Variants in ANKRD44 observed in about 807,000 individuals in gnomAD.
ANKRD44 encodes ankyrin repeat domain 44, also known as serine/threonine-protein phosphatase 6 regulatory ankyrin repeat subunit B.
A neutral mutation model predicts 116.0 loss-of-function variants in ANKRD44; 35 were observed. That is an observed-to-expected ratio of 0.30 (90% CI 0.23 to 0.40). The LOEUF (loss-of-function observed/expected upper bound fraction) is 0.40, where lower values mean the gene tolerates loss of function less well. Among genes scored for constraint, ANKRD44 ranks in the 10% least tolerant of loss-of-function variants. The pLI is 1.00. For missense variants in ANKRD44, 1,014 were observed against 1,242.6 expected (o/e 0.82, Z 2.77); for synonymous variants, 435 against 461.8 (o/e 0.94, Z 0.74).
chr2:197,119,519 A>G (rs896472575), intron 8 of ANKRD44, among the ~76,000 whole-genome samples: 1 of 152,198 alleles, frequency 6.6e-6, no homozygotes, highest in African/African-American at 2.4e-5. Flanking sequence ...AGGAGCTGGG[A>G]TTACAGGCCG....
At chr2:197,020,954 C>T (rs983877785) in intron 17 of ANKRD44, among the ~76,000 whole-genome samples, 11 of 152,090 alleles carry the variant, frequency 7.2e-5, no homozygotes, top group African/African-American at 2.7e-4. Context: ...CTCCCTCCCC[C>T]CATCCCACGA....
At chr2:197,099,741 T>C (rs2078245072) in intron 10 of ANKRD44, 75 bp downstream of exon 10, 6 of 1,581,842 alleles carry the variant, frequency 3.8e-6, no homozygotes, top group Non-Finnish European at 5.2e-6. Context: ...GGGAACTATC[T>C]ACTGCACGGA....
Position 197,310,564 on chromosome 2 carries a change from C to A in ANKRD44, c.27+14G>T. ...CGCCCGCGCGTCCCGCCCGCCGGCG[C>A]CGCCGCCCGCTACCTGGTCGGTGAG... On this transcript the variant is annotated intron_variant, in intron 1 of 27. Transcript: ENST00000282272. The A allele has an allele frequency of 8.4e-7, 1 of 1,188,598 alleles. No individual in the cohort carries two copies. The highest frequency in any genetic ancestry group is 1.1e-6 in the Non-Finnish European group (1 of 939,758). The allele number at this position is 1,188,598 out of a possible 1,614,324, so 73.6% of individuals were successfully genotyped here. A position where few individuals can be genotyped will look rare whatever the true frequency, so the allele number is the denominator to read the frequency against.
chr2:197,249,272 CA>C (rs1046766051), intron 1 of ANKRD44, among the ~76,000 whole-genome samples: 4 of 151,838 alleles, frequency 2.6e-5, no homozygotes, highest in African/African-American at 9.7e-5. Context: ...GACCTTGTCT[CA>C]AAAAATGTAC....
chr2:197,033,923 T>C (rs1156808143), intron 16 of ANKRD44, among the ~76,000 whole-genome samples: 1 of 152,152 alleles, frequency 6.6e-6, no homozygotes. Context: ...GCATTTACAA[T>C]TTGAATTAAC....
At chr2:197,170,407 T>G (rs1427092895) in intron 2 of ANKRD44, among the ~76,000 whole-genome samples, 1 of 152,214 alleles carries the variant, frequency 6.6e-6, no homozygotes, top group African/African-American at 2.4e-5. Flanking sequence ...CTTTCCCTCC[T>G]AAACACTTGT....
chr2:196,998,453 T>C (rs764690524), intron 24 of ANKRD44, 34 bp from the exon 25 acceptor site: 2 of 1,494,636 alleles, frequency 1.3e-6, no homozygotes, highest in Non-Finnish European at 1.9e-6. Context: ...GTTACTTAGA[T>C]GAGATGCTAA....
chr2:197,040,597 G>A (rs905886307), intron 16 of ANKRD44, among the ~76,000 whole-genome samples: 5 of 151,898 alleles, frequency 3.3e-5, no homozygotes, highest in Admixed American at 1.3e-4. Flanking sequence ...AGCTGGTCTC[G>A]AACTCCTGAC....
Position 197,099,891 on chromosome 2 carries a change from G to A in ANKRD44, c.1025C>T (p.Pro342Leu). ...ACCGTATCTTGCAGCCACATGGAGAGGAGTGTTGCCGTCCTTATCCACACA... is the reference window on the plus strand; with the variant it reads ...ACCGTATCTTGCAGCCACATGGAGAAGAGTGTTGCCGTCCTTATCCACACA... The part of the protein sequence containing the change: ...IDCVDKDGNT[P>L]LHVAARYGHE... The change falls in exon 10 of 28, where the codon CCT becomes CTT. Residue 342 changes from proline to leucine, a missense_variant. Pro to Leu is a moderately conservative substitution (Grantham distance 98). Transcript: ENST00000282272. 6.2e-7 allele frequency: 1 copy of A among 1,614,138 alleles called. No individual in the cohort carries two copies. The highest frequency in any genetic ancestry group is 8.5e-7 in the Non-Finnish European group (1 of 1,180,012).
Position 196,988,465 on chromosome 2 carries a change from G to T in ANKRD44, c.*1126C>A. The T allele has an allele frequency of 2.0e-6, 2 of 985,358 alleles. No homozygotes were observed. Among genetic ancestry groups the T allele is most frequent in the Non-Finnish European group, 2.4e-6 (2 of 829,876 alleles). The allele number at this position is 985,358 out of a possible 1,614,324, so 61.0% of individuals were successfully genotyped here. On this transcript the variant is annotated 3_prime_UTR_variant, in exon 28 of 28. Coordinates refer to ENST00000282272, the MANE Select transcript of ANKRD44 (RefSeq NM_001195144.2). ...ATGGTGGTGGTGTGGAAAATTTTCA[G>T]TGAAATCAATACCAGTTCAATAAAT...
intron 1 of ANKRD44, among the ~76,000 whole-genome samples, chr2:197,227,600 C>CG (rs1491507602): frequency 1.0e-5 from 1 of 99,958 alleles, no homozygotes. Context: ...GTTTGTTTTA[C>CG]CAAAAAAAAC....
rs931902394 is a variant in ANKRD44 at position 197,012,470 on chromosome 2, A to G, written c.1924+1041T>C. ...TAATAACAAGAATGGCTGGGGAGAA[A>G]AAAGACTAAATGTGATGAGAAATGA... On this transcript the variant is annotated intron_variant, in intron 18 of 27. Transcript: ENST00000282272. 2.0e-5 allele frequency among the ~76,000 whole-genome samples: 3 copies of G among 152,236 alleles called. No homozygotes were observed. In the East Asian group the frequency reaches 5.8e-4, roughly 29 times the overall value.
chr2:197,051,476 C>T (rs2077106318), intron 16 of ANKRD44, among the ~76,000 whole-genome samples: 1 of 152,194 alleles, frequency 6.6e-6, no homozygotes, highest in Admixed American at 6.5e-5. Context: ...TCACTGCACT[C>T]TCAAACTCCT....
At chr2:197,099,424 A>G in intron 10 of ANKRD44, 1 of 747,042 alleles carries the variant, frequency 1.3e-6, no homozygotes, top group Non-Finnish European at 1.6e-6. Context: ...GATTGACTCA[A>G]TTGTACTCTA....
intron 13 of ANKRD44, among the ~76,000 whole-genome samples, chr2:197,084,861 G>A (rs777005522): frequency 1.7e-4 from 26 of 152,104 alleles, no homozygotes; most frequent in Admixed American, 3.3e-4. Context: ...GATAAAGGCT[G>A]TAAGGTCCTT....
intron 1 of ANKRD44, among the ~76,000 whole-genome samples, chr2:197,293,753 C>T (rs2083637708): frequency 6.6e-6 from 1 of 152,172 alleles, no homozygotes; most frequent in Non-Finnish European, 1.5e-5. Context: ...GAGGCAATAT[C>T]CTTATGGCCT....
intron 27 of ANKRD44, chr2:196,992,730 A>C (rs1191285967): frequency 8.5e-5 from 13 of 152,644 alleles, no homozygotes; most frequent in Non-Finnish European, 4.4e-5. Context: ...GCAAAATCAA[A>C]ACTAATAAGA....
intron 2 of ANKRD44, among the ~76,000 whole-genome samples, chr2:197,160,085 C>T (rs1375659354): frequency 2.0e-5 from 3 of 152,090 alleles, no homozygotes; most frequent in African/African-American, 4.8e-5. Flanking sequence ...CACACACATA[C>T]GCATGCACTT....
chr2:197,025,155 G>GT lies in ANKRD44; in HGVS notation c.1722+40dup, dbSNP rs555781651. On this transcript the variant is annotated intron_variant, in intron 17 of 27. Transcript: ENST00000282272. ...ATCTAGTTTTAGGAATGCTTAGGTT[G>GT]TTTTTGTAACAGGTGAAGCTGCTCA... is the stretch of plus-strand genomic sequence containing the variant. The GT allele has an allele frequency of 1.3e-3, 2,023 of 1,575,982 alleles. 1 individual carries two copies. Among genetic ancestry groups the GT allele is most frequent in the Admixed American group, 1.6e-3 (95 of 59,734 alleles).
Sources: allele counts gnomAD v4.1 joint callset (sites outside exome capture counted in the v4.1 genomes callset), GRCh38; gene constraint gnomAD v4.1.1; transcripts MANE v1.5; gene names NCBI Gene and HGNC (gene_info 2026-07-23, HGNC 2026-07-21).